The following FARSB variants were observed in gnomAD, a reference collection of about 807,000 sequenced individuals.
FARSB encodes the protein phenylalanine--tRNA ligase beta subunit.
A neutral mutation model predicts 69.6 loss-of-function variants in FARSB; 40 were observed. The ratio of observed to expected loss-of-function variants is 0.57; its 90% CI spans 0.45 to 0.75. The LOEUF is 0.75. FARSB is among the 30% of genes least tolerant of loss of function. FARSB has a pLI of 0.00. For synonymous variants in FARSB, 235 were observed against 247.2 expected (o/e 0.95, Z 0.46); for missense variants, 632 against 722.9 (o/e 0.87, Z 1.44).
At position 222,613,888 on chromosome 2, in the gene FARSB, A is replaced by G. The variant is rs1690925383; in HGVS notation, c.1385T>C (p.Ile462Thr). Reference sequence around the variant, plus strand: ...AAGGGGCATCTTACGATTTGCTGCTATGGTCTTCAGGAGGCCAGGAAGAAG... The same window carrying G: ...AAGGGGCATCTTACGATTTGCTGCTGTGGTCTTCAGGAGGCCAGGAAGAAG... ...TTLLPGLLKTIAANRKMPLPL... is the reference protein window; with the variant it reads ...TTLLPGLLKTTAANRKMPLPL... The change falls in exon 15 of 17, where the codon ATA becomes ACA. Residue 462 changes from isoleucine to threonine, a missense_variant. Physicochemically the swap from Ile to Thr is moderately conservative, Grantham distance 89. Transcript: ENST00000281828. 5 of 1,613,912 alleles carry G rather than the reference A, an allele frequency of 3.1e-6. No homozygotes were observed. Among genetic ancestry groups the G allele is most frequent in the Non-Finnish European group, 4.2e-6 (5 of 1,179,812 alleles).
At chr2:222,578,608 G>A (rs1196525810) in intron 16 of FARSB, among the ~76,000 whole-genome samples, 3 of 152,312 alleles carry the variant, frequency 2.0e-5, no homozygotes, top group Non-Finnish European at 2.9e-5. Context: ...GGGGGCCAAC[G>A]CGGGAAGATC....
At chr2:222,649,018 G>A (rs1385752742) in intron 1 of FARSB, among the ~76,000 whole-genome samples, 1 of 152,068 alleles carries the variant, frequency 6.6e-6, no homozygotes, top group Non-Finnish European at 1.5e-5. Context: ...TCTGAGGTCA[G>A]GAGTTTGAAA....
intron 14 of FARSB, among the ~76,000 whole-genome samples, chr2:222,616,429 C>T (rs1411889867): frequency 6.6e-6 from 1 of 151,788 alleles, no homozygotes. Context: ...TGCCTGTAGT[C>T]CCAGCTACTC....
intron 16 of FARSB, among the ~76,000 whole-genome samples, chr2:222,594,532 C>T (rs535050289): frequency 1.3e-4 from 19 of 151,946 alleles, no homozygotes; most frequent in South Asian, 1.0e-3. Flanking sequence ...CACAGCTATA[C>T]GTACAGTACA....
chr2:222,612,421 C>T (rs1423730066), intron 15 of FARSB, among the ~76,000 whole-genome samples: 1 of 152,184 alleles, frequency 6.6e-6, no homozygotes, highest in Admixed American at 6.5e-5. Context: ...TGGAATCCAG[C>T]CTTGGCTGGA....
intron 16 of FARSB, among the ~76,000 whole-genome samples, chr2:222,595,086 T>C (rs139237304): frequency 1.7e-3 from 254 of 152,334 alleles, no homozygotes; most frequent in African/African-American, 5.8e-3. Context: ...ATCAAAACTG[T>C]TTCCATACAG....
At chr2:222,637,344 G>A (rs1294600625) in intron 5 of FARSB, among the ~76,000 whole-genome samples, 1 of 152,178 alleles carries the variant, frequency 6.6e-6, no homozygotes, top group African/African-American at 2.4e-5. Context: ...ATAGCTGAGA[G>A]TTTGGGGAGG....
intron 7 of FARSB, among the ~76,000 whole-genome samples, chr2:222,631,909 C>T (rs1273322073): frequency 6.6e-6 from 1 of 152,164 alleles, no homozygotes; most frequent in Non-Finnish European, 1.5e-5. Context: ...CCCTTCTCTA[C>T]TAAAAATACA....
chr2:222,572,273 G>A (rs1689737058), intron 16 of FARSB, among the ~76,000 whole-genome samples: 1 of 152,138 alleles, frequency 6.6e-6, no homozygotes, highest in African/African-American at 2.4e-5. Context: ...AGGGACCCGA[G>A]CAGGAAGGAT....
intron 1 of FARSB, among the ~76,000 whole-genome samples, chr2:222,653,388 A>G (rs1270396965): frequency 2.0e-5 from 3 of 152,086 alleles, no homozygotes; most frequent in Non-Finnish European, 4.4e-5. Context: ...AAAAGTGTGA[A>G]TGAGACATTA....
intron 4 of FARSB, 132 bp from the exon 5 acceptor site, chr2:222,639,827 A>G (rs966964060): frequency 2.5e-6 from 1 of 400,114 alleles, no homozygotes. Flanking sequence ...TAATTTATTC[A>G]GTCAACAAGT....
chr2:222,628,921 G>GA (rs1185428601), intron 9 of FARSB, 33 bp from the exon 10 acceptor site: 10 of 1,545,808 alleles, frequency 6.5e-6, no homozygotes, highest in African/African-American at 1.4e-5. Flanking sequence ...AAATACTTAA[G>GA]AAAAAAATGT....
rs1574907073 is a variant in FARSB at position 222,576,036 on chromosome 2, G to A, written c.1619-4014C>T. Among the ~76,000 whole-genome samples the A allele has an allele frequency of 3.3e-5, 5 of 149,522 alleles. No individual in the cohort carries two copies. The South Asian group carries it at 8.4e-4, about 25-fold the overall frequency. ...CCCAAAGTTTGGATAAGCTTTACAC[G>A]TAGAGTCATTCCTATAATTTTAGGG... is the stretch of plus-strand genomic sequence containing the variant. On this transcript the variant is annotated intron_variant, in intron 16 of 16. Coordinates refer to ENST00000281828, the MANE Select transcript of FARSB (RefSeq NM_005687.5).
rs944581423 is a variant in FARSB, at chr2:222,591,946, C to A, written c.1618+7982G>T. On this transcript the variant is annotated intron_variant, in intron 16 of 16. Coordinates refer to ENST00000281828, the MANE Select transcript of FARSB (RefSeq NM_005687.5). ...AATAAAGGGTTATAGTGGGGACAGG[C>A]AATGAATGAGAATGAACAATTTCAC... Among the ~76,000 whole-genome samples, 4 of 152,084 alleles carry A rather than the reference C, an allele frequency of 2.6e-5. No individual in the cohort carries two copies. The East Asian group carries it at 7.7e-4, about 29-fold the overall frequency.
rs530191874 is a variant in FARSB at position 222,570,677 on chromosome 2, C to T, written c.*1194G>A. ...AGCTGGGACTGCAGGCCCACACCAC[C>T]ATGCCTGGCTAATTTTTATATTTTT... On this transcript the variant is annotated 3_prime_UTR_variant, in exon 17 of 17. Coordinates refer to ENST00000281828, the MANE Select transcript of FARSB (RefSeq NM_005687.5). The T allele has an allele frequency of 6.0e-4, 91 of 152,126 alleles. No homozygotes were observed. The highest frequency in any genetic ancestry group is 1.9e-3 in the African/African-American group (79 of 41,466). The allele number at this position is 152,126 out of a possible 1,614,324, so 9.4% of individuals were successfully genotyped here. A position where few individuals can be genotyped will look rare whatever the true frequency, so the allele number is the denominator to read the frequency against.
intron 15 of FARSB, among the ~76,000 whole-genome samples, chr2:222,602,107 T>G (rs1559198059): frequency 6.6e-6 from 1 of 152,144 alleles, no homozygotes; most frequent in Non-Finnish European, 1.5e-5. Context: ...TCAAAGGCAT[T>G]ACGCTGAAAG....
chr2:222,609,637 C>A (rs1353542173), intron 15 of FARSB, among the ~76,000 whole-genome samples: 1 of 152,162 alleles, frequency 6.6e-6, no homozygotes, highest in Non-Finnish European at 1.5e-5. Context: ...GTTGGCTCAG[C>A]CTCAAAGAAC....
At chr2:222,610,060 A>G (rs535200207) in intron 15 of FARSB, among the ~76,000 whole-genome samples, 1 of 152,336 alleles carries the variant, frequency 6.6e-6, no homozygotes, top group African/African-American at 2.4e-5. Flanking sequence ...GAATCTGCTC[A>G]CAGGTTTGTC....
chr2:222,645,100 GA>G (rs1691815590), intron 2 of FARSB, among the ~76,000 whole-genome samples: 1 of 151,326 alleles, frequency 6.6e-6, no homozygotes, highest in African/African-American at 2.4e-5. Flanking sequence ...TAATCTTACA[GA>G]AATTTAAAAT....
Sources: allele counts gnomAD v4.1 joint callset (sites outside exome capture counted in the v4.1 genomes callset), GRCh38; gene constraint gnomAD v4.1.1; transcripts MANE v1.5; gene names NCBI Gene and HGNC (gene_info 2026-07-23, HGNC 2026-07-21).